The following METTL8 variants were observed in gnomAD, a reference collection of about 807,000 sequenced individuals.
The protein encoded by METTL8 is methyltransferase 8, tRNA N3-cytidine.
A neutral mutation model predicts 48.7 loss-of-function variants in METTL8; 32 were observed. The observed-to-expected ratio is 0.66, with a 90% confidence interval of 0.50 to 0.88. METTL8 has a LOEUF of 0.88. METTL8 is among the 40% of genes least tolerant of loss of function. The pLI is 0.00. For synonymous variants in METTL8, 136 were observed against 157.1 expected (o/e 0.87, Z 1.01); for missense variants, 464 against 474.4 (o/e 0.98, Z 0.20).
intron 6 of METTL8, among the ~76,000 whole-genome samples, chr2:171,331,583 A>AT (rs1215134222): frequency 2.6e-5 from 4 of 151,216 alleles, no homozygotes; most frequent in Non-Finnish European, 5.9e-5. Context: ...CAGCCAGCTA[A>AT]TTTTTTTATT....
chr2:171,337,916 C>T (rs114743453), intron 4 of METTL8, among the ~76,000 whole-genome samples: 256 of 151,676 alleles, frequency 1.7e-3, no homozygotes, highest in African/African-American at 5.9e-3. Context: ...CATATTAAAA[C>T]AAGGTACAAT....
intron 1 of METTL8, among the ~76,000 whole-genome samples, chr2:171,430,406 G>C (rs1226943732): frequency 6.6e-6 from 1 of 152,034 alleles, no homozygotes; most frequent in Non-Finnish European, 1.5e-5. Flanking sequence ...GGCTAGGGGA[G>C]GGATAGCATT....
rs529952261 is a variant in METTL8 at position 171,403,812 on chromosome 2, G to C, written c.-12-11615C>G. Among the ~76,000 whole-genome samples, 18 of 151,572 alleles carry C rather than the reference G, an allele frequency of 1.2e-4. No individual in the cohort carries two copies. The East Asian group carries it at 3.1e-3, about 26-fold the overall frequency. On this transcript the variant is annotated intron_variant, in intron 1 of 9. Coordinates refer to ENST00000375258, the MANE Select transcript of METTL8 (RefSeq NM_001321154.2). ...GGGCAGACAGGTGGGGTGGGGAGGTGGTTATAAGGCTGGAAAGTTAGGCAG... is the reference window on the plus strand; with the variant it reads ...GGGCAGACAGGTGGGGTGGGGAGGTCGTTATAAGGCTGGAAAGTTAGGCAG...
At chr2:171,392,020 T>A (rs1688621931) in intron 2 of METTL8, 23 bp downstream of exon 2, 1 of 1,540,702 alleles carries the variant, frequency 6.5e-7, no homozygotes, top group East Asian at 2.4e-5. Flanking sequence ...ACACATAATA[T>A]CAGATTTAAA....
Position 171,326,348 on chromosome 2 carries a change from A to G in METTL8, c.861-200T>C, listed in dbSNP as rs892977474. 3.6e-5 allele frequency: 19 copies of G among 533,062 alleles called. 1 individual carries two copies. Among genetic ancestry groups the G allele is most frequent in the South Asian group, 5.5e-5 (2 of 36,500 alleles). 33.0% of individuals were successfully genotyped at this position (533,062 alleles called of 1,614,324 possible). A position where few individuals can be genotyped will look rare whatever the true frequency, so the allele number is the denominator to read the frequency against. ...CCAACTTGCTAAATGACTAGATTCA[A>G]AAGTCCTAGAGTATCAAGAAATCAC... On this transcript the variant is annotated intron_variant, in intron 7 of 9. Coordinates refer to ENST00000375258, the MANE Select transcript of METTL8 (RefSeq NM_001321154.2).
At chr2:171,395,204 G>A (rs919197689) in intron 1 of METTL8, among the ~76,000 whole-genome samples, 4 of 152,178 alleles carry the variant, frequency 2.6e-5, no homozygotes, top group Admixed American at 6.5e-5. Context: ...ACAAAACTGT[G>A]TGAATAAGTA....
intron 3 of METTL8, among the ~76,000 whole-genome samples, chr2:171,346,875 C>T (rs1316135313): frequency 6.6e-6 from 1 of 152,212 alleles, no homozygotes. Context: ...CAGACTGGCA[C>T]GTCTGTGATC....
At chr2:171,324,545 A>G (rs1464071914) in intron 9 of METTL8, among the ~76,000 whole-genome samples, 183 bp from the exon 10 acceptor site, 1 of 152,238 alleles carries the variant, frequency 6.6e-6, no homozygotes, top group Admixed American at 6.5e-5. Context: ...ACAAAAATAC[A>G]CCATGCATAT....
intron 2 of METTL8, among the ~76,000 whole-genome samples, chr2:171,375,734 C>G (rs1686897880): frequency 6.6e-6 from 1 of 152,070 alleles, no homozygotes; most frequent in Non-Finnish European, 1.5e-5. Context: ...AAGGAACAAA[C>G]TATTGATACA....
chr2:171,402,036 G>A (rs1689697487), intron 1 of METTL8, among the ~76,000 whole-genome samples: 1 of 152,252 alleles, frequency 6.6e-6, no homozygotes, highest in Non-Finnish European at 1.5e-5. Context: ...TATAGTAAAG[G>A]TAAGTACAAA....
intron 2 of METTL8, among the ~76,000 whole-genome samples, chr2:171,384,074 T>G (rs1191733231): frequency 6.6e-6 from 1 of 152,202 alleles, no homozygotes; most frequent in Non-Finnish European, 1.5e-5. Context: ...CCAACTGTGA[T>G]GTATACAAAC....
At chr2:171,374,851 CT>C (rs905717502) in intron 2 of METTL8, 23,165 of 461,086 alleles carry the variant, frequency 0.05, no homozygotes, top group South Asian at 0.071. Context: ...GTATGTTTAA[CT>C]TTTTTTTTTT....
chr2:171,414,179 A>C (rs572507801), intron 1 of METTL8, among the ~76,000 whole-genome samples: 16 of 152,268 alleles, frequency 1.1e-4, no homozygotes, highest in African/African-American at 3.9e-4. Flanking sequence ...GCCCTTTGAG[A>C]GGCCAAGGTG....
intron 7 of METTL8, 107 bp downstream of exon 7, chr2:171,330,452 C>T: frequency 1.9e-6 from 2 of 1,055,398 alleles, no homozygotes; most frequent in Non-Finnish European, 2.8e-6. Flanking sequence ...TAATGTTGCT[C>T]ACTAAATAAT....
At chr2:171,421,355 C>T (rs954803969) in intron 1 of METTL8, among the ~76,000 whole-genome samples, 1 of 152,142 alleles carries the variant, frequency 6.6e-6, no homozygotes, top group African/African-American at 2.4e-5. Flanking sequence ...AGGAGGATGA[C>T]TTGAGCCTAG....
upstream of METTL8, chr2:171,434,642 C>T (rs867644491): frequency 1.3e-6 from 2 of 1,534,834 alleles, no homozygotes; most frequent in Admixed American, 1.9e-5. Flanking sequence ...GGCTGCTTCT[C>T]GCGCGACGCA....
At chr2:171,391,072 A>G (rs900844826) in intron 2 of METTL8, among the ~76,000 whole-genome samples, 1 of 152,180 alleles carries the variant, frequency 6.6e-6, no homozygotes, top group African/African-American at 2.4e-5. Context: ...TTGTTGTCTT[A>G]TTTTAAGAAA....
intron 1 of METTL8, among the ~76,000 whole-genome samples, chr2:171,421,219 T>C (rs1691838332): frequency 6.6e-6 from 1 of 152,136 alleles, no homozygotes. Flanking sequence ...AAGATCAATA[T>C]ACAAACAGAC....
At chr2:171,406,725 G>A (rs1690217853) in intron 1 of METTL8, among the ~76,000 whole-genome samples, 1 of 152,140 alleles carries the variant, frequency 6.6e-6, no homozygotes, top group Non-Finnish European at 1.5e-5. Flanking sequence ...CATAACAAAA[G>A]CCACCTTGGA....
Sources: allele counts gnomAD v4.1 joint callset (sites outside exome capture counted in the v4.1 genomes callset), GRCh38; gene constraint gnomAD v4.1.1; transcripts MANE v1.5; gene names NCBI Gene and HGNC (gene_info 2026-07-23, HGNC 2026-07-21).